The following VPS54 variants were observed in gnomAD, a reference collection of about 807,000 sequenced individuals.
VPS54 encodes the protein VPS54 subunit of GARP complex.
VPS54 carries 45 observed loss-of-function variants against 121.5 expected under a neutral mutation model. The observed-to-expected ratio is 0.37, with a 90% CI of 0.29 to 0.47. The LOEUF (loss-of-function observed/expected upper bound fraction) is 0.47. Ranked by LOEUF, VPS54 falls within the 20% of genes least tolerant of loss-of-function variation. The probability of loss-of-function intolerance (pLI) is 0.99; values close to 1 mark genes in which losing one functional copy is unlikely to be tolerated. For missense variants in VPS54, 1,090 were observed against 1,131.4 expected, an observed-to-expected ratio of 0.96 and a Z score of 0.52; for synonymous variants, 371 against 385.8, an observed-to-expected ratio of 0.96 and a Z score of 0.45.
intron 1 of VPS54, among the ~76,000 whole-genome samples, chr2:63,997,268 T>C (rs1018231969): frequency 2.6e-5 from 4 of 152,144 alleles, no homozygotes; most frequent in Admixed American, 6.5e-5. Context: ...CTAGTTTGAG[T>C]AGGATTGGTA....
intron 5 of VPS54, among the ~76,000 whole-genome samples, chr2:63,967,408 G>A (rs1240134917): frequency 6.6e-6 from 1 of 151,988 alleles, no homozygotes; most frequent in Non-Finnish European, 1.5e-5. Flanking sequence ...TTCAATCCAA[G>A]GGATGTGATA....
intron 1 of VPS54, among the ~76,000 whole-genome samples, chr2:64,011,257 C>T (rs1419166331): frequency 6.6e-6 from 1 of 151,986 alleles, no homozygotes; most frequent in Non-Finnish European, 1.5e-5. Context: ...AGAATTATAA[C>T]ATTATAGCAG....
At chr2:63,938,086 C>G (rs1392340538) in intron 11 of VPS54, among the ~76,000 whole-genome samples, 6 of 56,726 alleles carry the variant, frequency 1.1e-4, no homozygotes, top group South Asian at 4.5e-4. Context: ...GTGTGTGTGT[C>G]TAGACAGGAT....
chr2:63,903,692 ATAT>A (rs1672784302), intron 20 of VPS54, among the ~76,000 whole-genome samples: 1 of 152,206 alleles, frequency 6.6e-6, no homozygotes, highest in Non-Finnish European at 1.5e-5. Context: ...AAGTAATGTC[ATAT>A]TATTTAAAGG....
chr2:63,945,610 T>C (rs918968799), intron 9 of VPS54, among the ~76,000 whole-genome samples: 3 of 152,194 alleles, frequency 2.0e-5, no homozygotes, highest in Non-Finnish European at 2.9e-5. Flanking sequence ...CTCTTATGTA[T>C]CTCTCACAGT....
chr2:63,975,113 T>G, intron 3 of VPS54: 2 of 1,349,466 alleles, frequency 1.5e-6, no homozygotes, highest in Admixed American at 2.2e-5. Flanking sequence ...TGGCGTGATC[T>G]TGGTTCACTG....
intron 1 of VPS54, among the ~76,000 whole-genome samples, chr2:64,008,457 G>A (rs996420910): frequency 2.0e-5 from 3 of 151,872 alleles, no homozygotes; most frequent in Admixed American, 2.0e-4. Flanking sequence ...GAAAGGAGAT[G>A]GTCAGAGTTA....
intron 1 of VPS54, among the ~76,000 whole-genome samples, chr2:63,999,869 TTTTTG>T (rs1677788188): frequency 6.6e-6 from 1 of 151,482 alleles, no homozygotes; most frequent in Admixed American, 6.6e-5. Context: ...CAACTGCCGT[TTTTTG>T]TTTTGAGATG....
At chr2:63,943,574 A>G (rs886480288) in intron 10 of VPS54, among the ~76,000 whole-genome samples, 1 of 152,200 alleles carries the variant, frequency 6.6e-6, no homozygotes, top group East Asian at 1.9e-4. Flanking sequence ...TTGGCCCAAG[A>G]AAGTTTCACA....
At chr2:63,990,413 C>T (rs1320950771) in intron 1 of VPS54, among the ~76,000 whole-genome samples, 1 of 152,112 alleles carries the variant, frequency 6.6e-6, no homozygotes, top group African/African-American at 2.4e-5. Flanking sequence ...GACCAAACTA[C>T]AATTTACCTA....
chr2:63,953,031 C>A (rs181586733), intron 7 of VPS54, among the ~76,000 whole-genome samples: 1 of 151,418 alleles, frequency 6.6e-6, no homozygotes, highest in Admixed American at 6.6e-5. Context: ...TTGATAAATA[C>A]CTATACATAC....
At chr2:63,912,697 T>TAAA in intron 18 of VPS54, 36 bp from the exon 19 acceptor site, 1 of 1,200,958 alleles carries the variant, frequency 8.3e-7, no homozygotes, top group Non-Finnish European at 1.1e-6. Context: ...AATGGAGAAA[T>TAAA]AAAAAAAAAA....
intron 1 of VPS54, among the ~76,000 whole-genome samples, chr2:63,989,438 TA>T (rs1677210294): frequency 6.6e-6 from 1 of 152,222 alleles, no homozygotes; most frequent in South Asian, 2.1e-4. Context: ...TACCCAGCTC[TA>T]AAATTTCTCT....
intron 5 of VPS54, 49 bp from the exon 6 acceptor site, chr2:63,966,015 C>A (rs1019860829): frequency 3.2e-6 from 5 of 1,556,094 alleles, no homozygotes; most frequent in Non-Finnish European, 4.4e-6. Context: ...TTTCTTTATA[C>A]CCATTATCTC....
At chr2:63,958,601 G>C (rs761600331) in intron 7 of VPS54, among the ~76,000 whole-genome samples, 3 of 152,130 alleles carry the variant, frequency 2.0e-5, no homozygotes, top group African/African-American at 4.8e-5. Context: ...TACAGTCTTA[G>C]CTACCCAGGA....
Position 63,972,046 on chromosome 2 carries a change from T to C in VPS54, c.457+120A>G, listed in dbSNP as rs1676306869. On this transcript the variant is annotated intron_variant, in intron 4 of 22. Transcript: ENST00000272322. ...TAGAAAATATTATAATCATAGGTTA[T>C]AAAAATTTTACTAGAAATAAAAATT... is the stretch of plus-strand genomic sequence containing the variant. 7.9e-6 allele frequency: 4 copies of C among 506,546 alleles called. No individual in the cohort carries two copies. The East Asian group carries it at 1.0e-4, about 13-fold the overall frequency. The allele number at this position is 506,546 out of a possible 1,614,324, so 31.4% of individuals were successfully genotyped here. A position where few individuals can be genotyped will look rare whatever the true frequency, so the allele number is the denominator to read the frequency against.
Position 63,962,437 on chromosome 2 carries a change from G to T in VPS54, c.631C>A (p.His211Asn). ...TTTACTTCCACAATATCCAGATAAT[G>T]GCTCAGCTTAAAAGAGAAGGAAAAA... ...SSKLLQEKLSHYLDIVEVNIA... is the reference protein window; with the variant it reads ...SSKLLQEKLSNYLDIVEVNIA... Residue 211 changes from histidine to asparagine, a missense_variant, in exon 7 of 23, where the codon CAT becomes AAT. Physicochemically the swap from His to Asn is moderately conservative, Grantham distance 68. Coordinates refer to ENST00000272322, the MANE Select transcript of VPS54 (RefSeq NM_016516.3). The T allele has an allele frequency of 6.2e-7, 1 of 1,608,164 alleles. No individual in the cohort carries two copies. Among genetic ancestry groups the T allele is most frequent in the Non-Finnish European group, 8.5e-7 (1 of 1,177,052 alleles).
intron 3 of VPS54, among the ~76,000 whole-genome samples, chr2:63,974,733 G>C (rs540443771): frequency 6.6e-6 from 1 of 152,122 alleles, no homozygotes; most frequent in African/African-American, 2.4e-5. Flanking sequence ...AATTCCAATT[G>C]TTCATTGCTG....
chr2:63,996,674 G>A (rs1214046865), intron 1 of VPS54, among the ~76,000 whole-genome samples: 3 of 152,184 alleles, frequency 2.0e-5, no homozygotes, highest in African/African-American at 7.2e-5. Context: ...GGAAAAGAAT[G>A]CATTCCCGGC....
Sources: allele counts gnomAD v4.1 joint callset (sites outside exome capture counted in the v4.1 genomes callset), GRCh38; gene constraint gnomAD v4.1.1; transcripts MANE v1.5; gene names NCBI Gene and HGNC (gene_info 2026-07-23, HGNC 2026-07-21).